Variants in JAK2 observed in about 807,000 individuals in gnomAD.
JAK2 encodes the protein Janus kinase 2.
A neutral mutation model predicts 139.3 loss-of-function variants in JAK2; 86 were observed. The ratio of observed to expected loss-of-function variants is 0.62; its 90% CI spans 0.52 to 0.74. The LOEUF is 0.74. Ranked by LOEUF, JAK2 falls within the 30% of genes least tolerant of loss-of-function variation. The pLI, the probability that JAK2 is intolerant of heterozygous loss-of-function variation, is 0.00. For synonymous variants in JAK2, 490 were observed against 437.7 expected (o/e 1.12, Z -1.49); for missense variants, 1,421 against 1,360.3 (o/e 1.04, Z -0.70).
intron 11 of JAK2, 59 bp from the exon 12 acceptor site, chr9:5,069,866 G>T: frequency 2.6e-6 from 3 of 1,158,676 alleles, no homozygotes; most frequent in Non-Finnish European, 3.6e-6. Flanking sequence ...ACTCCTCTTT[G>T]GAGCAATTCA....
intron 15 of JAK2, among the ~76,000 whole-genome samples, 189 bp downstream of exon 15, chr9:5,077,769 A>G (rs1819407139): frequency 6.6e-6 from 1 of 152,234 alleles, no homozygotes; most frequent in South Asian, 2.1e-4. Context: ...CTTTTGAAAA[A>G]AAAGTTTTGT....
At chr9:5,116,775 C>T (rs182749966) in intron 22 of JAK2, among the ~76,000 whole-genome samples, 2 of 152,252 alleles carry the variant, frequency 1.3e-5, no homozygotes, top group Admixed American at 1.3e-4. Flanking sequence ...ACGTGATAGG[C>T]AAATTCAACT....
Position 5,128,231 on chromosome 9 carries a change from T to G in JAK2, c.*1440T>G. 4.3e-6 allele frequency: 1 copy of G among 231,380 alleles called. No individual in the cohort carries two copies. Among genetic ancestry groups the G allele is most frequent in the Non-Finnish European group, 8.6e-6 (1 of 116,770 alleles). The allele number at this position is 231,380 out of a possible 1,614,324, so 14.3% of individuals were successfully genotyped here. A position where few individuals can be genotyped will look rare whatever the true frequency, so the allele number is the denominator to read the frequency against. On this transcript the variant is annotated 3_prime_UTR_variant, in exon 25 of 25. Transcript: ENST00000381652. ...TTTTGAAAGTTGTACTGAAGACTTCTGATTTTGGGTTGAAGGGAAGGAAAA... is the reference window on the plus strand; with the variant it reads ...TTTTGAAAGTTGTACTGAAGACTTCGGATTTTGGGTTGAAGGGAAGGAAAA...
chr9:5,013,029 C>G (rs995861107), intron 2 of JAK2, among the ~76,000 whole-genome samples: 2 of 152,144 alleles, frequency 1.3e-5, no homozygotes, highest in African/African-American at 4.8e-5. Context: ...GGAAGTAAAA[C>G]TATCAGTACA....
chr9:5,064,803 T>C (rs1818451621), intron 8 of JAK2, 80 bp from the exon 9 acceptor site: 1 of 1,055,628 alleles, frequency 9.5e-7, no homozygotes, highest in Admixed American at 2.6e-5. Context: ...GTATTTAACA[T>C]GGAATGAAGA....
At chr9:4,984,763 A>G (rs1224459540), upstream of JAK2, 2 of 152,322 alleles carry the variant, frequency 1.3e-5, no homozygotes, top group African/African-American at 4.8e-5. Context: ...GGAGCCAGCC[A>G]GGGTGAGTCA....
At chr9:5,034,676 T>A (rs557896583) in intron 4 of JAK2, among the ~76,000 whole-genome samples, 2 of 152,082 alleles carry the variant, frequency 1.3e-5, no homozygotes, top group South Asian at 2.1e-4. Context: ...AATAAAGATG[T>A]TCTTTGAAAC....
intron 4 of JAK2, among the ~76,000 whole-genome samples, chr9:5,036,565 A>G (rs1222985453): frequency 1.3e-5 from 2 of 152,222 alleles, no homozygotes; most frequent in Non-Finnish European, 2.9e-5. Flanking sequence ...CTACCTATCT[A>G]CAACCATCTG....
chr9:5,048,075 T>C (rs1230959350), intron 5 of JAK2, among the ~76,000 whole-genome samples: 2 of 152,232 alleles, frequency 1.3e-5, no homozygotes, highest in Non-Finnish European at 2.9e-5. Context: ...ATATATTTAT[T>C]GTCTTCTGAT....
chr9:5,083,840 C>T (rs1413893043), intron 19 of JAK2, among the ~76,000 whole-genome samples: 3 of 152,080 alleles, frequency 2.0e-5, no homozygotes, highest in Admixed American at 6.5e-5. Context: ...GAAAATATTA[C>T]AATGAAGATA....
chr9:5,109,852 T>C (rs1184576416), intron 22 of JAK2: 1 of 152,178 alleles, frequency 6.6e-6, no homozygotes, highest in Non-Finnish European at 1.5e-5. Flanking sequence ...ACAGTATTCT[T>C]CCAATATTCC....
chr9:5,034,138 CAA>C (rs961987112), intron 4 of JAK2, among the ~76,000 whole-genome samples: 2 of 152,104 alleles, frequency 1.3e-5, no homozygotes, highest in Non-Finnish European at 2.9e-5. Flanking sequence ...TCAAAAGAAA[CAA>C]AGAAGGCCAT....
intron 13 of JAK2, among the ~76,000 whole-genome samples, chr9:5,073,412 T>G (rs894414162): frequency 6.6e-6 from 1 of 152,176 alleles, no homozygotes; most frequent in Admixed American, 6.5e-5. Flanking sequence ...GTCCTCTATT[T>G]CAGGTGTTAT....
chr9:5,018,641 A>T (rs1037902004), intron 2 of JAK2, among the ~76,000 whole-genome samples: 58 of 152,190 alleles, frequency 3.8e-4, no homozygotes, highest in African/African-American at 1.3e-3. Context: ...GCCTGGCCTG[A>T]CATTGTTCTT....
Position 5,048,107 on chromosome 9 carries a change from A to G in JAK2, c.469-2579A>G, listed in dbSNP as rs1817147061. Among the ~76,000 whole-genome samples, 4 of 152,028 alleles carry G rather than the reference A, an allele frequency of 2.6e-5. No individual in the cohort carries two copies. In the South Asian group the frequency reaches 8.3e-4, roughly 31 times the overall value. On this transcript the variant is annotated intron_variant, in intron 5 of 24. Transcript: ENST00000381652. Reference sequence around the variant, plus strand: ...TGATCATGACTTCCATAGAATTTCCACATGAGCAGAATTTGTTATCTACCA... The same window carrying G: ...TGATCATGACTTCCATAGAATTTCCGCATGAGCAGAATTTGTTATCTACCA...
At chr9:4,985,005 G>C (rs1396801848), upstream of JAK2, 1 of 152,366 alleles carries the variant, frequency 6.6e-6, no homozygotes, top group Non-Finnish European at 1.5e-5. Flanking sequence ...CCGGTCCCGC[G>C]ACCAGCACCG....
At chr9:5,064,805 G>A (rs1373600601) in intron 8 of JAK2, 78 bp from the exon 9 acceptor site, 4 of 1,091,886 alleles carry the variant, frequency 3.7e-6, no homozygotes, top group African/African-American at 1.6e-5. Flanking sequence ...ATTTAACATG[G>A]AATGAAGAAA....
intron 2 of JAK2, among the ~76,000 whole-genome samples, chr9:5,021,600 A>G (rs1276906245): frequency 6.6e-6 from 1 of 152,066 alleles, no homozygotes; most frequent in Non-Finnish European, 1.5e-5. Flanking sequence ...TGCCTTATCA[A>G]TATTATTTCC....
intron 4 of JAK2, chr9:5,041,769 C>A (rs1050509178): frequency 1.2e-5 from 6 of 488,404 alleles, no homozygotes; most frequent in African/African-American, 9.8e-5. Context: ...CACCGACCTG[C>A]CCTCCCAGCC....
Sources: gnomAD v4.1 joint callset for allele counts (sites outside exome capture counted in the v4.1 genomes callset) on GRCh38, gnomAD v4.1.1 for gene constraint, MANE v1.5 for transcripts, NCBI Gene and HGNC (gene_info 2026-07-23, HGNC 2026-07-21) for gene names.